IL1RAPL1: variants seen among roughly 807,000 people sequenced by gnomAD.
The protein encoded by IL1RAPL1 is interleukin 1 receptor accessory protein like 1, also known as interleukin-1 receptor accessory protein-like 1.
IL1RAPL1 carries 3 observed loss-of-function variants against 48.4 expected under a neutral mutation model. The observed-to-expected ratio is 0.06, with a 90% confidence interval of 0.03 to 0.16. The LOEUF (loss-of-function observed/expected upper bound fraction) is 0.16. Ranked by LOEUF, IL1RAPL1 falls within the 10% of genes least tolerant of loss-of-function variation. The pLI is 1.00. For synonymous variants in IL1RAPL1, 185 were observed against 187.7 expected (o/e 0.99, Z 0.12); for missense variants, 349 against 530.6 (o/e 0.66, Z 3.36).
chrX:29,319,041 ATATATTCC>A lies in IL1RAPL1; in HGVS notation c.362+35833_362+35840del, dbSNP rs752565591. On this transcript the variant is annotated intron_variant, in intron 3 of 10. Coordinates refer to ENST00000378993, the MANE Select transcript of IL1RAPL1 (RefSeq NM_014271.4). ...ATTTGATATTTTACTTTTTCCACATATATATTCCTATATTCCATATGGCACATATGTAT... is the reference window on the plus strand; with the variant it reads ...ATTTGATATTTTACTTTTTCCACATATATATTCCATATGGCACATATGTAT... 1.0e-3 allele frequency among the ~76,000 whole-genome samples: 115 copies of A among 111,382 alleles called. 1 individual carries two copies. The highest frequency in any genetic ancestry group is 3.7e-3 in the African/African-American group (112 of 30,672).
intron 5 of IL1RAPL1, among the ~76,000 whole-genome samples, chrX:29,450,436 G>A (rs1934666072): frequency 9.0e-6 from 1 of 111,668 alleles, no homozygotes; most frequent in Non-Finnish European, 1.9e-5. Flanking sequence ...CATGAAAGCA[G>A]TCTTAGACAA....
At chrX:28,885,665 T>C (rs1922612011) in intron 2 of IL1RAPL1, among the ~76,000 whole-genome samples, 1 of 111,618 alleles carries the variant, frequency 9.0e-6, no homozygotes, top group South Asian at 3.7e-4. Context: ...TTAATACACA[T>C]GTTGTCTTTA....
chrX:29,755,433 C>A (rs951007208), intron 6 of IL1RAPL1, among the ~76,000 whole-genome samples: 2 of 111,294 alleles, frequency 1.8e-5, no homozygotes, highest in African/African-American at 6.5e-5. Flanking sequence ...TGTGACTTAC[C>A]AAGACCTCAG....
intron 2 of IL1RAPL1, among the ~76,000 whole-genome samples, chrX:29,271,112 G>T (rs1296227004): frequency 8.9e-6 from 1 of 111,822 alleles, no homozygotes; most frequent in African/African-American, 3.3e-5. Flanking sequence ...AGAACAGGCA[G>T]TATTTGGTTT....
intron 6 of IL1RAPL1, among the ~76,000 whole-genome samples, chrX:29,869,727 T>A (rs1601859160): frequency 9.0e-6 from 1 of 111,152 alleles, no homozygotes; most frequent in Admixed American, 9.6e-5. Flanking sequence ...ACTTGAAAAT[T>A]GTTAATTTAG....
At chrX:29,058,843 C>T (rs1049780934) in intron 2 of IL1RAPL1, among the ~76,000 whole-genome samples, 8 of 111,946 alleles carry the variant, frequency 7.1e-5, no homozygotes, top group Non-Finnish European at 1.1e-4. Context: ...TAGTTTGTGT[C>T]CCCATCAAAA....
At chrX:29,105,252 A>G (rs1928425249) in intron 2 of IL1RAPL1, among the ~76,000 whole-genome samples, 1 of 112,260 alleles carries the variant, frequency 8.9e-6, no homozygotes, top group Non-Finnish European at 1.9e-5. Context: ...AAAAAAGTCA[A>G]TATGAAACCC....
chrX:29,552,771 T>C (rs1040516948), intron 5 of IL1RAPL1, among the ~76,000 whole-genome samples: 1 of 106,069 alleles, frequency 9.4e-6, no homozygotes, highest in Non-Finnish European at 1.9e-5. Context: ...AAAATCCCGG[T>C]GTACTAAGTT....
chrX:29,619,326 A>T (rs369067008), intron 5 of IL1RAPL1, among the ~76,000 whole-genome samples: 1 of 111,526 alleles, frequency 9.0e-6, no homozygotes, highest in East Asian at 2.8e-4. Flanking sequence ...TTGTATAATT[A>T]TATATTCTTC....
At chrX:29,700,056 C>A (rs1178082739) in intron 6 of IL1RAPL1, among the ~76,000 whole-genome samples, 1 of 110,844 alleles carries the variant, frequency 9.0e-6, no homozygotes, top group Non-Finnish European at 1.9e-5. Context: ...CCCATTGGTG[C>A]CTCTGTTTTC....
intron 2 of IL1RAPL1, among the ~76,000 whole-genome samples, chrX:28,889,364 A>G (rs73631622): frequency 0.013 from 1,460 of 111,449 alleles, 22 homozygotes; most frequent in African/African-American, 0.045. Context: ...AGATAAATGT[A>G]TGATTTGGTG....
intron 3 of IL1RAPL1, among the ~76,000 whole-genome samples, chrX:29,380,111 C>CT (rs61115437): frequency 0.029 from 2,857 of 98,530 alleles, 100 homozygotes; most frequent in African/African-American, 0.087. Flanking sequence ...AAAGACCATT[C>CT]TTTTTTTTTT....
chrX:29,640,253 A>T (rs1417300662), intron 5 of IL1RAPL1, among the ~76,000 whole-genome samples: 2 of 112,484 alleles, frequency 1.8e-5, no homozygotes, highest in Non-Finnish European at 3.8e-5. Flanking sequence ...GCAGCTGAAC[A>T]GTAATCACTG....
At chrX:29,668,009 A>G (rs1926044981) in intron 5 of IL1RAPL1, among the ~76,000 whole-genome samples, 1 of 111,755 alleles carries the variant, frequency 8.9e-6, no homozygotes, top group Non-Finnish European at 1.9e-5. Context: ...GGAATTAAGA[A>G]TAATGAGATA....
chrX:29,150,200 T>C (rs1929433580), intron 2 of IL1RAPL1, among the ~76,000 whole-genome samples: 2 of 112,088 alleles, frequency 1.8e-5, no homozygotes, highest in Admixed American at 9.5e-5. Context: ...GCACTGGGAA[T>C]AGAGCACTGA....
chrX:28,693,051 T>C (rs1935196483), intron 1 of IL1RAPL1, among the ~76,000 whole-genome samples: 1 of 112,118 alleles, frequency 8.9e-6, no homozygotes, highest in African/African-American at 3.2e-5. Context: ...TTAACTTTTG[T>C]GTTGTTTAAA....
intron 5 of IL1RAPL1, among the ~76,000 whole-genome samples, chrX:29,493,275 A>G (rs1203705668): frequency 8.9e-6 from 1 of 111,933 alleles, no homozygotes; most frequent in Non-Finnish European, 1.9e-5. Flanking sequence ...ATCTCTAGGC[A>G]ACTCTTGTTA....
intron 5 of IL1RAPL1, among the ~76,000 whole-genome samples, chrX:29,413,344 A>G (rs1934169631): frequency 9.0e-6 from 1 of 111,731 alleles, no homozygotes; most frequent in Non-Finnish European, 1.9e-5. Flanking sequence ...TGTAATTTTA[A>G]TATTTATAAT....
chrX:29,751,213 G>A (rs5927171), intron 6 of IL1RAPL1, among the ~76,000 whole-genome samples: 39,879 of 109,923 alleles, frequency 0.36, 5,233 homozygotes, highest in Admixed American at 0.47. Context: ...GCAAATATGG[G>A]CTAAAAACCT....
Sources: gnomAD v4.1 joint callset for allele counts (sites outside exome capture counted in the v4.1 genomes callset) on GRCh38, gnomAD v4.1.1 for gene constraint, MANE v1.5 for transcripts, NCBI Gene and HGNC (gene_info 2026-07-23, HGNC 2026-07-21) for gene names.